The following COLEC10 variants were observed in gnomAD, a reference collection of about 807,000 sequenced individuals.
The protein encoded by COLEC10 is collectin subfamily member 10.
Under a neutral mutation model 28.4 loss-of-function variants are expected in COLEC10, and 22 were observed. The ratio of observed to expected loss-of-function variants is 0.78; its 90% CI spans 0.55 to 1.11. COLEC10 has a LOEUF of 1.11. COLEC10 is among the 50% of genes least tolerant of loss of function. The pLI is 0.00. For synonymous variants in COLEC10, 125 were observed against 116.1 expected (o/e 1.08, Z -0.49); for missense variants, 361 against 344.1 (o/e 1.05, Z -0.39).
upstream of COLEC10, among the ~76,000 whole-genome samples, chr8:119,063,739 AAAAAG>A (rs1253437093): frequency 9.2e-5 from 14 of 152,024 alleles, no homozygotes; most frequent in Non-Finnish European, 1.6e-4. Context: ...CACAAAAAAA[AAAAAG>A]AAAAGAGTAG....
chr8:118,969,656 C>T, the COLEC10 span, among the ~76,000 whole-genome samples: 3 of 151,636 alleles, frequency 2.0e-5, no homozygotes, highest in Non-Finnish European at 4.4e-5. Flanking sequence ...CTTTCCATTC[C>T]TTCCAGATGC....
At chr8:119,057,144 G>A (rs146766838) in intron 2 of COLEC10, among the ~76,000 whole-genome samples, 3 of 152,110 alleles carry the variant, frequency 2.0e-5, no homozygotes, top group African/African-American at 7.2e-5. Context: ...CATGAGGGCG[G>A]TTTCCTCCAT....
intron 2 of COLEC10, among the ~76,000 whole-genome samples, chr8:119,013,098 C>T (rs1181714670): frequency 6.7e-6 from 1 of 149,954 alleles, no homozygotes; most frequent in Non-Finnish European, 1.5e-5. Flanking sequence ...GCATTCAATA[C>T]TATTATTTTC....
intron 1 of COLEC10, among the ~76,000 whole-genome samples, chr8:118,998,492 C>T (rs1397154801): frequency 6.6e-6 from 1 of 152,038 alleles, no homozygotes; most frequent in Non-Finnish European, 1.5e-5. Context: ...AATAGAAGTT[C>T]ATAAAAGCCA....
intron 2 of COLEC10, among the ~76,000 whole-genome samples, chr8:119,014,745 T>C (rs141711154): frequency 7.3e-5 from 11 of 151,220 alleles, no homozygotes; most frequent in Non-Finnish European, 1.3e-4. Flanking sequence ...TCTGCTCTGT[T>C]TTTGTTTGCT....
the COLEC10 span, among the ~76,000 whole-genome samples, chr8:118,984,980 G>A: frequency 6.6e-6 from 1 of 151,948 alleles, no homozygotes; most frequent in Non-Finnish European, 1.5e-5. Context: ...AGAACAGCAC[G>A]GGAACGACCC....
the COLEC10 span, among the ~76,000 whole-genome samples, chr8:118,982,371 A>G: frequency 6.6e-6 from 1 of 152,138 alleles, no homozygotes; most frequent in African/African-American, 2.4e-5. Context: ...TTGTCTAAAG[A>G]AACAAATCTT....
chr8:119,082,597 G>A (rs921994471), intron 1 of COLEC10, among the ~76,000 whole-genome samples: 3 of 152,240 alleles, frequency 2.0e-5, no homozygotes, highest in African/African-American at 7.2e-5. Flanking sequence ...CATTGAAGAC[G>A]GAGATGGAGG....
chr8:119,094,550 C>A (rs1277871621), intron 3 of COLEC10, among the ~76,000 whole-genome samples: 2 of 152,090 alleles, frequency 1.3e-5, no homozygotes, highest in African/African-American at 4.8e-5. Flanking sequence ...ACTTTAGGGG[C>A]CATGATCTGG....
chr8:119,002,168 A>G (rs1289707243), intron 1 of COLEC10, among the ~76,000 whole-genome samples: 2 of 152,194 alleles, frequency 1.3e-5, no homozygotes, highest in Non-Finnish European at 2.9e-5. Flanking sequence ...TATAATTTTT[A>G]GTGTATACAT....
At chr8:118,986,126 T>G in the COLEC10 span, among the ~76,000 whole-genome samples, 13 of 152,064 alleles carry the variant, frequency 8.5e-5, no homozygotes, top group Admixed American at 1.3e-4. Context: ...ATTAATACAA[T>G]GAAAACTCCA....
chr8:119,061,618 C>A (rs1814857831), intron 2 of COLEC10, among the ~76,000 whole-genome samples: 1 of 151,902 alleles, frequency 6.6e-6, no homozygotes, highest in Non-Finnish European at 1.5e-5. Context: ...CCATACCCAG[C>A]CAAAATATCA....
intron 2 of COLEC10, among the ~76,000 whole-genome samples, chr8:119,058,942 A>G (rs1452436682): frequency 6.6e-6 from 1 of 152,066 alleles, no homozygotes; most frequent in Non-Finnish European, 1.5e-5. Flanking sequence ...ATTTATTATT[A>G]TTATTATGGC....
intron 1 of COLEC10, among the ~76,000 whole-genome samples, chr8:119,069,122 GC>G (rs1815035707): frequency 6.6e-6 from 1 of 151,974 alleles, no homozygotes; most frequent in South Asian, 2.1e-4. Flanking sequence ...TACATACCAA[GC>G]TTTGTATTCT....
Position 119,080,445 on chromosome 8 carries a change from A to G in COLEC10, c.149-9235A>G, listed in dbSNP as rs145820755. Among the ~76,000 whole-genome samples the G allele has an allele frequency of 3.2e-3, 492 of 152,324 alleles. 1 individual carries two copies. The highest frequency in any genetic ancestry group is 0.011 in the African/African-American group (474 of 41,588). ...AATACAAACAGTTAAATAATATTGC[A>G]TTATTTAAATAATACTCCAAGGCAA... On this transcript the variant is annotated intron_variant, in intron 1 of 5. Transcript: ENST00000332843.
At chr8:119,078,569 T>A (rs1243777461) in intron 1 of COLEC10, among the ~76,000 whole-genome samples, 1 of 152,108 alleles carries the variant, frequency 6.6e-6, no homozygotes, top group Non-Finnish European at 1.5e-5. Flanking sequence ...CATGTGAACA[T>A]CAATGGAAAA....
At chr8:119,037,268 T>C (rs1814406779) in intron 2 of COLEC10, among the ~76,000 whole-genome samples, 1 of 152,222 alleles carries the variant, frequency 6.6e-6, no homozygotes, top group Non-Finnish European at 1.5e-5. Context: ...CTGTCTGATA[T>C]GAAGGACCAT....
At chr8:118,986,852 C>A in the COLEC10 span, among the ~76,000 whole-genome samples, 1 of 152,026 alleles carries the variant, frequency 6.6e-6, no homozygotes, top group Non-Finnish European at 1.5e-5. Flanking sequence ...AATTTATAGA[C>A]ACAGAAAATT....
intron 2 of COLEC10, among the ~76,000 whole-genome samples, chr8:119,061,742 G>T (rs1272341543): frequency 6.6e-6 from 1 of 151,438 alleles, no homozygotes; most frequent in Non-Finnish European, 1.5e-5. Flanking sequence ...TAAAATGAAG[G>T]ATGAAACCAA....
Sources: allele counts gnomAD v4.1 joint callset (sites outside exome capture counted in the v4.1 genomes callset), GRCh38; gene constraint gnomAD v4.1.1; transcripts MANE v1.5; gene names NCBI Gene and HGNC (gene_info 2026-07-23, HGNC 2026-07-21).